PDE11A: variants seen among roughly 807,000 people sequenced by gnomAD.
The protein encoded by PDE11A is phosphodiesterase 11A, also known as dual 3',5'-cyclic-AMP and -GMP phosphodiesterase 11A.
A neutral mutation model predicts 100.5 loss-of-function variants in PDE11A; 100 were observed. The ratio of observed to expected loss-of-function variants is 1.00; its 90% CI spans 0.85 to 1.18. PDE11A has a LOEUF of 1.18. Ranked by LOEUF, PDE11A falls within the 50% of genes most tolerant of loss-of-function variation. The pLI is 0.00. For missense variants in PDE11A, 1,141 were observed against 1,152.6 expected (o/e 0.99, Z 0.15); for synonymous variants, 381 against 420.8 (o/e 0.91, Z 1.16).
intron 4 of PDE11A, among the ~76,000 whole-genome samples, chr2:177,880,728 G>A (rs1312116374): frequency 1.3e-5 from 2 of 152,092 alleles, no homozygotes; most frequent in African/African-American, 4.8e-5. Context: ...AGGTTCCTGT[G>A]TCTTTAGAAG....
rs115302544 is a variant in PDE11A, at chr2:177,931,366, A to G, written c.1072-26179T>C. ...AACATATGCATTCTCCCACATATTTATCATTTCTGTCGTGAGAACACTTAA... is the reference window on the plus strand; with the variant it reads ...AACATATGCATTCTCCCACATATTTGTCATTTCTGTCGTGAGAACACTTAA... On this transcript the variant is annotated intron_variant, in intron 2 of 19. Coordinates refer to ENST00000286063, the MANE Select transcript of PDE11A (RefSeq NM_016953.4). Among the ~76,000 whole-genome samples, 1,449 of 152,342 alleles carry G rather than the reference A, an allele frequency of 9.5e-3. 11 individuals carry two copies. Among genetic ancestry groups the G allele is most frequent in the Non-Finnish European group, 0.016 (1,056 of 68,020 alleles).
intron 4 of PDE11A, among the ~76,000 whole-genome samples, chr2:177,892,957 C>A (rs1043265668): frequency 1.3e-5 from 2 of 152,176 alleles, no homozygotes; most frequent in South Asian, 2.1e-4. Flanking sequence ...CCTCTTACTG[C>A]CTCTGACATT....
intron 19 of PDE11A, among the ~76,000 whole-genome samples, chr2:177,653,934 G>C (rs996799252): frequency 6.6e-6 from 1 of 152,298 alleles, no homozygotes; most frequent in East Asian, 1.9e-4. Flanking sequence ...CTGGCTCCCT[G>C]TTGCTCTCCC....
upstream of PDE11A, among the ~76,000 whole-genome samples, chr2:178,075,551 CAAAA>C (rs397756518): frequency 6.3e-5 from 3 of 47,850 alleles, no homozygotes; most frequent in East Asian, 7.9e-4. Flanking sequence ...GACTCTGTCT[CAAAA>C]AAAAAAAAAA....
In PDE11A at chr2:177,675,272, A is replaced by AG. The variant is rs570088062; in HGVS notation, c.2487+182_2487+183insC. 7.9e-5 allele frequency among the ~76,000 whole-genome samples: 12 copies of AG among 151,860 alleles called. No homozygotes were observed. The South Asian group carries it at 2.5e-3, about 32-fold the overall frequency. On this transcript the variant is annotated intron_variant, in intron 17 of 19. Transcript: ENST00000286063. ...TTAGTGAAAGCACGATAAAAAAAAA[A>AG]AAAAAGGGCTGTGCAATAAACTGTG...
intron 16 of PDE11A, among the ~76,000 whole-genome samples, chr2:177,680,243 G>A (rs984628324): frequency 1.3e-5 from 2 of 152,114 alleles, no homozygotes; most frequent in South Asian, 2.1e-4. Context: ...AGAGTAGAAG[G>A]ATGGGGTATG....
intron 18 of PDE11A, among the ~76,000 whole-genome samples, chr2:177,664,734 G>A (rs917127226): frequency 6.6e-6 from 1 of 152,124 alleles, no homozygotes; most frequent in African/African-American, 2.4e-5. Context: ...AAGGAGTCAG[G>A]CCCAGACCAG....
intron 2 of PDE11A, among the ~76,000 whole-genome samples, chr2:177,909,184 G>C (rs936914377): frequency 6.6e-6 from 1 of 152,100 alleles, no homozygotes; most frequent in African/African-American, 2.4e-5. Flanking sequence ...CTTTAGTGGA[G>C]ATGAAAAACA....
intron 1 of PDE11A, among the ~76,000 whole-genome samples, chr2:178,043,443 G>A (rs113156163): frequency 2.0e-5 from 3 of 152,234 alleles, no homozygotes; most frequent in African/African-American, 7.2e-5. Context: ...GTTTTGCAGT[G>A]GCAGATGGCT....
chr2:177,955,135 T>G (rs2085546458), intron 2 of PDE11A, among the ~76,000 whole-genome samples: 1 of 152,208 alleles, frequency 6.6e-6, no homozygotes, highest in Non-Finnish European at 1.5e-5. Flanking sequence ...ATTGATGTTT[T>G]CTCTTAGATT....
chr2:177,634,972 T>C (rs544166947), intron 19 of PDE11A, among the ~76,000 whole-genome samples: 37 of 152,272 alleles, frequency 2.4e-4, no homozygotes, highest in African/African-American at 8.7e-4. Flanking sequence ...ACTCTCCATA[T>C]ACACACGGAG....
At chr2:177,654,274 C>T (rs2080349717) in intron 19 of PDE11A, among the ~76,000 whole-genome samples, 1 of 152,206 alleles carries the variant, frequency 6.6e-6, no homozygotes, top group Admixed American at 6.5e-5. Flanking sequence ...AATCCCAGCA[C>T]TTTGGGAGGC....
chr2:177,931,911 CA>C (rs71410773), intron 2 of PDE11A, among the ~76,000 whole-genome samples: 18,689 of 80,468 alleles, frequency 0.23, 1,221 homozygotes, highest in African/African-American at 0.35. Context: ...GCTAGATTAA[CA>C]AAAAAAAAAA....
chr2:177,691,306 C>G (rs1053174239), intron 15 of PDE11A, among the ~76,000 whole-genome samples: 1 of 152,210 alleles, frequency 6.6e-6, no homozygotes, highest in African/African-American at 2.4e-5. Flanking sequence ...CAAGAAGCCT[C>G]TAATTGCAGT....
chr2:177,865,729 T>C (rs1167865442), intron 5 of PDE11A, among the ~76,000 whole-genome samples: 2 of 152,224 alleles, frequency 1.3e-5, no homozygotes, highest in African/African-American at 4.8e-5. Context: ...AACATTATGT[T>C]AAGTAAAAGA....
At chr2:177,936,426 G>C (rs13412181) in intron 2 of PDE11A, among the ~76,000 whole-genome samples, 5,800 of 152,214 alleles carry the variant, frequency 0.038, 380 homozygotes, top group African/African-American at 0.13. Flanking sequence ...ACCAAGGCCA[G>C]AAAGCCACCC....
intron 1 of PDE11A, among the ~76,000 whole-genome samples, chr2:178,066,327 C>A (rs2087042859): frequency 6.6e-6 from 1 of 152,120 alleles, no homozygotes; most frequent in South Asian, 2.1e-4. Context: ...GAGCATGTGA[C>A]CAGTGCAGTG....
intron 7 of PDE11A, among the ~76,000 whole-genome samples, chr2:177,818,871 C>G (rs1461741859): frequency 6.6e-6 from 1 of 151,532 alleles, no homozygotes; most frequent in Non-Finnish European, 1.5e-5. Context: ...AAAAAAAAAA[C>G]CAGCTGTAAT....
At chr2:178,079,547 C>T (rs1331486527) in intron 2 of PDE11A, among the ~76,000 whole-genome samples, 1 of 152,120 alleles carries the variant, frequency 6.6e-6, no homozygotes, top group Admixed American at 6.5e-5. Context: ...CATTGATAGG[C>T]ATTTGGATTG....
Sources: gnomAD v4.1 joint callset for allele counts (sites outside exome capture counted in the v4.1 genomes callset) on GRCh38, gnomAD v4.1.1 for gene constraint, MANE v1.5 for transcripts, NCBI Gene and HGNC (gene_info 2026-07-23, HGNC 2026-07-21) for gene names.